MAD1L1: variants seen among roughly 807,000 people sequenced by gnomAD.
MAD1L1 encodes the protein mitotic arrest deficient 1 like 1.
Under a neutral mutation model 96.9 loss-of-function variants are expected in MAD1L1, and 95 were observed. That is an observed-to-expected ratio of 0.98 (90% CI 0.83 to 1.16). The LOEUF (loss-of-function observed/expected upper bound fraction) is 1.16. MAD1L1 is among the 50% of genes most tolerant of loss of function. MAD1L1 has a pLI of 0.00. For missense variants in MAD1L1, 1,007 were observed against 954.4 expected (o/e 1.06, Z -0.73); for synonymous variants, 473 against 396.6 (o/e 1.19, Z -2.29).
chr7:1,867,022 A>G (rs1210521924), intron 18 of MAD1L1, among the ~76,000 whole-genome samples: 3 of 152,192 alleles, frequency 2.0e-5, no homozygotes, highest in Admixed American at 2.0e-4. Context: ...TGGGCTCCTG[A>G]CCGCAGAGTG....
chr7:2,139,997 C>CCCCCCCCCCG (rs375660018), intron 11 of MAD1L1, among the ~76,000 whole-genome samples: 20 of 148,846 alleles, frequency 1.3e-4, no homozygotes, highest in South Asian at 6.5e-4. Flanking sequence ...CCCCGCCCCC[C>CCCCCCCCCCG]CCCAGTCCCT....
At chr7:2,082,853 A>G (rs1041212856) in intron 11 of MAD1L1, among the ~76,000 whole-genome samples, 2 of 152,232 alleles carry the variant, frequency 1.3e-5, no homozygotes, top group Admixed American at 6.5e-5. Flanking sequence ...CAGCTGCTTC[A>G]GCGCTACCTG....
chr7:2,004,802 G>A (rs543636203), intron 13 of MAD1L1, among the ~76,000 whole-genome samples: 219 of 152,342 alleles, frequency 1.4e-3, no homozygotes, highest in Non-Finnish European at 2.0e-3. Flanking sequence ...AGGCCGAGGC[G>A]TCCACCTCCG....
At position 1,955,055 on chromosome 7, in the gene MAD1L1, G is replaced by A. The variant is rs117970629; in HGVS notation, c.1596+2574C>T. 3.9e-4 allele frequency among the ~76,000 whole-genome samples: 60 copies of A among 152,316 alleles called. 2 individuals carry two copies. The East Asian group carries it at 9.3e-3, about 24-fold the overall frequency. Reference sequence around the variant, plus strand: ...CCTGGTCTCCTGGCCTCAGCACCGCGGGAGGGCAGCGGCACTCGCGCCCAG... The same window carrying A: ...CCTGGTCTCCTGGCCTCAGCACCGCAGGAGGGCAGCGGCACTCGCGCCCAG... On this transcript the variant is annotated intron_variant, in intron 16 of 18. Transcript: ENST00000265854.
chr7:2,022,299 T>C (rs1288395358), intron 12 of MAD1L1, among the ~76,000 whole-genome samples: 1 of 152,234 alleles, frequency 6.6e-6, no homozygotes, highest in African/African-American at 2.4e-5. Flanking sequence ...TCAAAGGCCA[T>C]CTGACCATGG....
At chr7:2,145,105 GC>G (rs1259681516) in intron 11 of MAD1L1, among the ~76,000 whole-genome samples, 1 of 152,144 alleles carries the variant, frequency 6.6e-6, no homozygotes, top group African/African-American at 2.4e-5. Flanking sequence ...CCCACTGAGA[GC>G]CCTGCCTGCT....
intron 18 of MAD1L1, chr7:1,846,962 G>A (rs1583540370): frequency 6.2e-6 from 2 of 321,650 alleles, no homozygotes; most frequent in South Asian, 2.5e-5. Context: ...GCGGTGGGAC[G>A]GTCGCCTCCT....
chr7:2,086,180 C>G (rs770737121), intron 11 of MAD1L1, among the ~76,000 whole-genome samples: 2 of 152,368 alleles, frequency 1.3e-5, no homozygotes, highest in Middle Eastern at 6.8e-3. Flanking sequence ...CCCTCCCTCC[C>G]CACAGGCCCA....
rs543673807 is a variant in MAD1L1 at position 1,950,359 on chromosome 7, G to A, written c.1596+7270C>T. Among the ~76,000 whole-genome samples the A allele has an allele frequency of 4.6e-5, 7 of 152,218 alleles. No individual in the cohort carries two copies. The East Asian group carries it at 5.8e-4, about 13-fold the overall frequency. On this transcript the variant is annotated intron_variant, in intron 16 of 18. Transcript: ENST00000265854. Reference sequence around the variant, plus strand: ...TCTGCCGCCCTCCTGCACGTCCCGCGCCACCTCGAGGCCCGCAAGCCCTCA... The same window carrying A: ...TCTGCCGCCCTCCTGCACGTCCCGCACCACCTCGAGGCCCGCAAGCCCTCA...
chr7:2,091,883 T>C (rs1430635335), intron 11 of MAD1L1, among the ~76,000 whole-genome samples: 3 of 152,236 alleles, frequency 2.0e-5, no homozygotes, highest in Non-Finnish European at 4.4e-5. Context: ...GTTTATCTGT[T>C]CCTCTGTTAC....
intron 10 of MAD1L1, among the ~76,000 whole-genome samples, chr7:2,202,527 G>C (rs1215928974): frequency 6.6e-6 from 1 of 152,224 alleles, no homozygotes; most frequent in Admixed American, 6.5e-5. Flanking sequence ...AAACGAAAAG[G>C]GGAAACGTGG....
chr7:2,124,988 G>A (rs1788163949), intron 11 of MAD1L1, among the ~76,000 whole-genome samples: 1 of 152,168 alleles, frequency 6.6e-6, no homozygotes, highest in East Asian at 1.9e-4. Flanking sequence ...CATGGCTGAG[G>A]GCACAGGGAT....
chr7:2,232,799 G>A (rs1584617344), intron 1 of MAD1L1, 73 bp downstream of exon 1: 2 of 151,796 alleles, frequency 1.3e-5, no homozygotes, highest in African/African-American at 4.9e-5. Context: ...CCGGGCCCTC[G>A]GCCCCTCCCT....
At chr7:2,019,478 G>A (rs539342293) in intron 12 of MAD1L1, among the ~76,000 whole-genome samples, 17 of 152,350 alleles carry the variant, frequency 1.1e-4, no homozygotes, top group African/African-American at 3.6e-4. Flanking sequence ...GGGACCTAAC[G>A]TCTCTGAACC....
intron 4 of MAD1L1, among the ~76,000 whole-genome samples, chr7:2,223,093 G>A (rs1464778744): frequency 6.6e-6 from 1 of 152,190 alleles, no homozygotes; most frequent in Non-Finnish European, 1.5e-5. Context: ...ATTGACCTTG[G>A]GGAGAAGCTG....
intron 10 of MAD1L1, among the ~76,000 whole-genome samples, chr7:2,153,244 G>C (rs1399685689): frequency 6.6e-6 from 1 of 152,164 alleles, no homozygotes; most frequent in Non-Finnish European, 1.5e-5. Flanking sequence ...ACAGAGTGAA[G>C]AGACAGCCTC....
chr7:1,980,998 G>A (rs187929753), intron 14 of MAD1L1, among the ~76,000 whole-genome samples: 14 of 152,244 alleles, frequency 9.2e-5, no homozygotes, highest in Admixed American at 5.9e-4. Context: ...ATGGAGTCTC[G>A]CTCTGTCACC....
chr7:2,121,008 C>T (rs1305868769), intron 11 of MAD1L1, among the ~76,000 whole-genome samples: 1 of 152,194 alleles, frequency 6.6e-6, no homozygotes, highest in Non-Finnish European at 1.5e-5. Context: ...CAGGTGGACT[C>T]GAGGGAGATG....
intron 12 of MAD1L1, among the ~76,000 whole-genome samples, chr7:2,046,068 G>C (rs975203273): frequency 6.6e-6 from 1 of 152,134 alleles, no homozygotes; most frequent in Non-Finnish European, 1.5e-5. Flanking sequence ...CACCTCGGCT[G>C]CCTCTAGGGA....
Sources: allele counts gnomAD v4.1 joint callset (sites outside exome capture counted in the v4.1 genomes callset), GRCh38; gene constraint gnomAD v4.1.1; transcripts MANE v1.5; gene names NCBI Gene and HGNC (gene_info 2026-07-23, HGNC 2026-07-21).